SLC22A25: variants seen among roughly 807,000 people sequenced by gnomAD.
SLC22A25 encodes solute carrier family 22 member 25, also known as MGI:2442751, MGI:2385316, MGI:3042283, MGI:3645714, MGI:3605624, MGI:2442750.
Under a neutral mutation model 45.9 loss-of-function variants are expected in SLC22A25, and 44 were observed. The ratio of observed to expected loss-of-function variants is 0.96; its 90% CI spans 0.75 to 1.23. The LOEUF is 1.23. SLC22A25 is among the 50% of genes most tolerant of loss of function. The pLI is 0.00. For synonymous variants in SLC22A25, 283 were observed against 238.6 expected (o/e 1.19, Z -1.72); for missense variants, 800 against 666.4 (o/e 1.20, Z -2.21).
rs536954267 is a variant in SLC22A25, at chr11:63,186,594, G to T, written c.831-2777C>A. On this transcript the variant is annotated intron_variant, in intron 7 of 11. Transcript: ENST00000306494. ...TTGGCTTTTGTTGCCATTGCTTTTGGTGTTTTAGACATGAAGTCCTTGCCC... is the reference window on the plus strand; with the variant it reads ...TTGGCTTTTGTTGCCATTGCTTTTGTTGTTTTAGACATGAAGTCCTTGCCC... Among the ~76,000 whole-genome samples, 1,346 of 152,174 alleles carry T rather than the reference G, an allele frequency of 8.8e-3. 9 individuals are homozygous for T. Among genetic ancestry groups the T allele is most frequent in the African/African-American group, 0.018 (763 of 41,482 alleles).
intron 9 of SLC22A25, 106 bp from the exon 10 acceptor site, chr11:63,166,364 G>A: frequency 4.1e-6 from 6 of 1,474,424 alleles, no homozygotes; most frequent in Non-Finnish European, 5.4e-6. Flanking sequence ...AAAGTAAAAA[G>A]GCAGAGTGTG....
At chr11:63,233,427 G>A (rs966108998) in intron 3 of SLC22A25, among the ~76,000 whole-genome samples, 1 of 152,192 alleles carries the variant, frequency 6.6e-6, no homozygotes, top group South Asian at 2.1e-4. Flanking sequence ...TTGCGTAGAG[G>A]TGTTTATAGT....
At chr11:63,195,593 A>G (rs184440720) in intron 7 of SLC22A25, among the ~76,000 whole-genome samples, 30 of 152,286 alleles carry the variant, frequency 2.0e-4, no homozygotes, top group East Asian at 7.7e-4. Context: ...TCTCTGGGAC[A>G]CATTCAAAGC....
At chr11:63,174,427 G>A (rs909044864) in intron 9 of SLC22A25, among the ~76,000 whole-genome samples, 1 of 152,092 alleles carries the variant, frequency 6.6e-6, no homozygotes, top group Non-Finnish European at 1.5e-5. Flanking sequence ...GCCAGTCTAA[G>A]CTATTTTCCT....
At chr11:63,236,114 T>C (rs895897642) in intron 3 of SLC22A25, among the ~76,000 whole-genome samples, 17 of 152,348 alleles carry the variant, frequency 1.1e-4, no homozygotes, top group African/African-American at 4.1e-4. Flanking sequence ...GGAGGCAGTC[T>C]GCCTGTTCTC....
chr11:63,214,463 A>G (rs757689048), intron 7 of SLC22A25, among the ~76,000 whole-genome samples: 34 of 152,178 alleles, frequency 2.2e-4, no homozygotes, highest in Non-Finnish European at 4.7e-4. Flanking sequence ...AGAAAACCCA[A>G]TTCCCCCTGA....
intron 3 of SLC22A25, among the ~76,000 whole-genome samples, chr11:63,235,217 T>C (rs955528241): frequency 3.9e-5 from 6 of 152,256 alleles, no homozygotes; most frequent in African/African-American, 1.4e-4. Flanking sequence ...GAAGTTCTCC[T>C]GGATAATTTC....
chr11:63,202,710 G>T (rs1043949875), intron 7 of SLC22A25, among the ~76,000 whole-genome samples: 4 of 152,194 alleles, frequency 2.6e-5, no homozygotes, highest in African/African-American at 9.6e-5. Context: ...CGTGGGGGAA[G>T]GGGCGGCTGT....
Position 63,205,062 on chromosome 11 carries a change from T to C in SLC22A25, c.830+12252A>G, listed in dbSNP as rs192712579. Among the ~76,000 whole-genome samples, 680 of 152,198 alleles carry C rather than the reference T, an allele frequency of 4.5e-3. 6 individuals are homozygous for C. Among genetic ancestry groups the C allele is most frequent in the African/African-American group, 0.015 (626 of 41,534 alleles). On this transcript the variant is annotated intron_variant, in intron 7 of 11. Transcript: ENST00000306494. ...TGAACAACCTGCTCCTGAATGACTA[T>C]TGGGTAAATAACAAAATTAAGGCAG...
rs1284579269 is a variant in SLC22A25, at chr11:63,198,355, A to G, written c.831-14538T>C. On this transcript the variant is annotated intron_variant, in intron 7 of 11. Transcript: ENST00000306494. ...TCGATCAATGATAGACTGGATTAAG[A>G]AAATATGACACATATAAACCATGGA... Among the ~76,000 whole-genome samples the G allele has an allele frequency of 2.6e-5, 4 of 152,264 alleles. No homozygotes were observed. In the East Asian group the frequency reaches 7.7e-4, roughly 29 times the overall value.
At chr11:63,209,409 G>A (rs1363302528) in intron 7 of SLC22A25, among the ~76,000 whole-genome samples, 1 of 152,146 alleles carries the variant, frequency 6.6e-6, no homozygotes, top group Non-Finnish European at 1.5e-5. Context: ...ATATGTGCCA[G>A]TCTACCCGTC....
At chr11:63,180,094 G>A (rs776082858) in intron 9 of SLC22A25, among the ~76,000 whole-genome samples, 45 of 152,232 alleles carry the variant, frequency 3.0e-4, no homozygotes, top group Non-Finnish European at 4.9e-4. Flanking sequence ...TTTTGGTTTC[G>A]TGCTCATCTG....
At position 63,232,997 on chromosome 11, in the gene SLC22A25, G is replaced by T. The variant is rs577217083; in HGVS notation, c.-444-2901C>A. Among the ~76,000 whole-genome samples the T allele has an allele frequency of 2.2e-4, 33 of 152,072 alleles. 1 individual carries two copies. The South Asian group carries it at 6.0e-3, about 28-fold the overall frequency. On this transcript the variant is annotated intron_variant, in intron 3 of 11. Coordinates refer to ENST00000306494, the MANE Select transcript of SLC22A25 (RefSeq NM_199352.6). ...CAGGGATGAAGCCCACTTGATCATG[G>T]TGGATAAGCTTTTTGATGTGCTGCT...
chr11:63,173,914 T>TA (rs2087986939), intron 9 of SLC22A25, among the ~76,000 whole-genome samples: 3 of 150,352 alleles, frequency 2.0e-5, no homozygotes, highest in Admixed American at 1.3e-4. Context: ...TTTTTTTTTT[T>TA]ATTACATTTT....
chr11:63,193,959 A>T (rs2317093), intron 7 of SLC22A25, among the ~76,000 whole-genome samples: 74,503 of 151,986 alleles, frequency 0.49, 19,186 homozygotes, highest in Non-Finnish European at 0.57. Flanking sequence ...CAGTGTAGAG[A>T]AAACCTTAAA....
At chr11:63,199,660 C>G (rs1029443788) in intron 7 of SLC22A25, among the ~76,000 whole-genome samples, 9 of 151,854 alleles carry the variant, frequency 5.9e-5, no homozygotes, top group African/African-American at 2.2e-4. Flanking sequence ...ATCAGCCTGC[C>G]CAGCTACTTA....
At chr11:63,196,557 C>A (rs572728104) in intron 7 of SLC22A25, among the ~76,000 whole-genome samples, 1 of 152,064 alleles carries the variant, frequency 6.6e-6, no homozygotes, top group Non-Finnish European at 1.5e-5. Context: ...ATTCAACAGC[C>A]CTTCATGCTG....
chr11:63,201,444 T>G (rs2089240867), intron 7 of SLC22A25, among the ~76,000 whole-genome samples: 1 of 152,308 alleles, frequency 6.6e-6, no homozygotes, highest in Non-Finnish European at 1.5e-5. Flanking sequence ...CTATGATAAC[T>G]GGCTAGACAT....
At chr11:63,204,730 C>CT (rs2089348805) in intron 7 of SLC22A25, among the ~76,000 whole-genome samples, 1 of 152,176 alleles carries the variant, frequency 6.6e-6, no homozygotes, top group South Asian at 2.1e-4. Flanking sequence ...TAACACCCCA[C>CT]TGTCAATATT....
Sources: gnomAD v4.1 joint callset for allele counts (sites outside exome capture counted in the v4.1 genomes callset) on GRCh38, gnomAD v4.1.1 for gene constraint, MANE v1.5 for transcripts, NCBI Gene and HGNC (gene_info 2026-07-23, HGNC 2026-07-21) for gene names.